PIWIL1: variants seen among roughly 807,000 people sequenced by gnomAD.
PIWIL1 encodes the protein piwi-like protein 1.
PIWIL1 carries 73 observed loss-of-function variants against 114.4 expected under a neutral mutation model. The observed-to-expected ratio is 0.64, with a 90% CI of 0.53 to 0.78. The LOEUF (loss-of-function observed/expected upper bound fraction) is 0.78. PIWIL1 is among the 30% of genes least tolerant of loss of function. The probability of loss-of-function intolerance (pLI) is 0.00; values close to 1 mark genes in which losing one functional copy is unlikely to be tolerated. For missense variants in PIWIL1, 723 were observed against 1,063.1 expected, an observed-to-expected ratio of 0.68 and a Z score of 4.45; for synonymous variants, 375 against 369.0, an observed-to-expected ratio of 1.02 and a Z score of -0.19.
intron 10 of PIWIL1, 27 bp downstream of exon 10, chr12:130,354,690 A>C: frequency 6.5e-7 from 1 of 1,549,614 alleles, no homozygotes; most frequent in Non-Finnish European, 8.7e-7. Context: ...TTTACTCGGA[A>C]GGAAGCCACT....
intron 6 of PIWIL1, among the ~76,000 whole-genome samples, chr12:130,347,394 C>T (rs557459019): frequency 1.3e-5 from 2 of 152,154 alleles, no homozygotes; most frequent in Non-Finnish European, 2.9e-5. Context: ...GAGTTCAGGT[C>T]GTTTGTTCCA....
intron 14 of PIWIL1, among the ~76,000 whole-genome samples, chr12:130,359,248 G>A (rs2073447628): frequency 6.6e-6 from 1 of 152,158 alleles, no homozygotes; most frequent in South Asian, 2.1e-4. Context: ...AGTTGTCCAA[G>A]TCTTAATCAC....
the PIWIL1 span, among the ~76,000 whole-genome samples, chr12:130,378,498 G>A: frequency 6.6e-6 from 1 of 152,180 alleles, no homozygotes; most frequent in Admixed American, 6.5e-5. Context: ...ATGAGGAATT[G>A]CTGGATTTAT....
chr12:130,399,986 C>CA, the PIWIL1 span, among the ~76,000 whole-genome samples: 1 of 152,202 alleles, frequency 6.6e-6, no homozygotes, highest in Non-Finnish European at 1.5e-5. Flanking sequence ...TCCTCAGCAA[C>CA]ATGCAGAGTC....
exon 21 of PIWIL1, chr12:130,372,597 C>CAAAAAAAA (rs60262232): frequency 5.9e-5 from 4 of 67,910 alleles, no homozygotes; most frequent in African/African-American, 2.7e-4. Flanking sequence ...GACTCCGTCT[C>CAAAAAAAA]AAAAAAAAAA....
Position 130,354,994 on chromosome 12 carries a change from T to C in PIWIL1, c.1278T>C (p.Asp426=). ...AGCGTGAAGTGGGACGACTCATTGA[T>C]TACATTCATAAGTAAGTCATTGATT... ...QRQREVGRLI[D]YIHKNDNVQR... Residue 426 remains aspartate (D), a synonymous_variant, in exon 11 of 21, where the codon GAT becomes GAC. Transcript: ENST00000245255. The C allele has an allele frequency of 6.3e-7, 1 of 1,595,192 alleles. No individual in the cohort carries two copies. The highest frequency in any genetic ancestry group is 8.6e-7 in the Non-Finnish European group (1 of 1,162,770).
chr12:130,382,103 G>T, the PIWIL1 span, among the ~76,000 whole-genome samples: 1 of 152,222 alleles, frequency 6.6e-6, no homozygotes, highest in African/African-American at 2.4e-5. Flanking sequence ...TAAAAAACAG[G>T]TTAGGTGGCA....
At chr12:130,414,187 T>A in the PIWIL1 span, 1 of 1,614,174 alleles carries the variant, frequency 6.2e-7, no homozygotes. Context: ...TTTGGGGACA[T>A]GGTGAGCGGG....
chr12:130,424,759 C>T, the PIWIL1 span: 92 of 1,232,550 alleles, frequency 7.5e-5, 1 homozygote, highest in Admixed American at 3.5e-3. The surrounding 1 kb of genome is among the most constrained non-coding windows in gnomAD (Gnocchi z 9.8). Flanking sequence ...TCCTCTTCCG[C>T]TACTTCGGGG....
intron 9 of PIWIL1, among the ~76,000 whole-genome samples, chr12:130,353,461 C>T (rs2073275685): frequency 6.6e-6 from 1 of 151,126 alleles, no homozygotes; most frequent in Non-Finnish European, 1.5e-5. Context: ...CTGATTTAAG[C>T]AGGATGCTAA....
At chr12:130,415,838 A>G in the PIWIL1 span, among the ~76,000 whole-genome samples, 1 of 152,354 alleles carries the variant, frequency 6.6e-6, no homozygotes, top group South Asian at 2.1e-4. Context: ...CTAAACCAAT[A>G]GACAATTTCA....
chr12:130,395,489 C>G, the PIWIL1 span, among the ~76,000 whole-genome samples: 2 of 152,140 alleles, frequency 1.3e-5, no homozygotes, highest in Non-Finnish European at 2.9e-5. Flanking sequence ...ATTATTACTT[C>G]AGGTTTGCCT....
chr12:130,370,125 G>T (rs796142242), intron 19 of PIWIL1, among the ~76,000 whole-genome samples: 87 of 151,860 alleles, frequency 5.7e-4, no homozygotes, highest in African/African-American at 2.1e-3. Context: ...GATCAGTTCT[G>T]CTTTCCTAAT....
chr12:130,375,212 GGTGAA>G (rs1156972008), downstream of PIWIL1, among the ~76,000 whole-genome samples: 2 of 152,134 alleles, frequency 1.3e-5, no homozygotes, highest in Admixed American at 6.5e-5. Context: ...AAAACACACC[GGTGAA>G]GTCCAGCTTT....
chr12:130,354,735 ATTCCTTTAC>A, intron 10 of PIWIL1, 72 bp downstream of exon 10: 1 of 1,517,532 alleles, frequency 6.6e-7, no homozygotes. Context: ...GTCCTCAGAC[ATTCCTTTAC>A]TTCCCCTTCC....
At chr12:130,406,997 G>A in the PIWIL1 span, among the ~76,000 whole-genome samples, 3 of 152,092 alleles carry the variant, frequency 2.0e-5, no homozygotes, top group Non-Finnish European at 4.4e-5. Flanking sequence ...CAAAGCAGGC[G>A]GTGTCAAACA....
At chr12:130,385,871 A>G in the PIWIL1 span, among the ~76,000 whole-genome samples, 6 of 152,204 alleles carry the variant, frequency 3.9e-5, no homozygotes, top group East Asian at 1.9e-4. Context: ...ATGCCTATCA[A>G]AAGTCATGCT....
rs372934454 is a variant in PIWIL1 at position 130,361,483 on chromosome 12, A to C, written c.1867-15A>C. ...GTACTCCATTGTATCTAAAATTACC[A>C]TATTTGTATTGAAGCTGAAGCTCGT... On this transcript the variant is annotated splice_polypyrimidine_tract_variant and intron_variant, in intron 15 of 20. Transcript: ENST00000245255. 6.2e-7 allele frequency: 1 copy of C among 1,613,494 alleles called. No homozygotes were observed. The highest frequency in any genetic ancestry group is 1.1e-5 in the South Asian group (1 of 91,056).
At chr12:130,370,037 C>T (rs1305193018) in intron 19 of PIWIL1, among the ~76,000 whole-genome samples, 2 of 152,154 alleles carry the variant, frequency 1.3e-5, no homozygotes, top group African/African-American at 2.4e-5. Context: ...GGCATGATTT[C>T]GCTGTTCTTT....
Sources: allele counts gnomAD v4.1 joint callset (sites outside exome capture counted in the v4.1 genomes callset), GRCh38; gene constraint gnomAD v4.1.1; non-coding constraint Gnocchi (gnomAD v3.1); transcripts MANE v1.5; gene names NCBI Gene and HGNC (gene_info 2026-07-23, HGNC 2026-07-21).